Variants in KIRREL3 observed in about 807,000 individuals in gnomAD.
The protein encoded by KIRREL3 is kin of IRRE-like protein 3.
KIRREL3 carries 36 observed loss-of-function variants against 89.7 expected under a neutral mutation model. The observed-to-expected ratio is 0.40, with a 90% CI of 0.31 to 0.53. The LOEUF (loss-of-function observed/expected upper bound fraction) is 0.53, where lower values mean the gene tolerates loss of function less well. KIRREL3 is among the 20% of genes least tolerant of loss of function. KIRREL3 has a pLI of 0.49. For missense variants in KIRREL3, 864 were observed against 1,056.6 expected (o/e 0.82, Z 2.53); for synonymous variants, 445 against 441.4 (o/e 1.01, Z -0.10).
Position 126,664,020 on chromosome 11 carries a change from C to A in KIRREL3, c.56-101108G>T, listed in dbSNP as rs537522470. Among the ~76,000 whole-genome samples, 5 of 152,308 alleles carry A rather than the reference C, an allele frequency of 3.3e-5. No homozygotes were observed. The South Asian group carries it at 6.2e-4, about 19-fold the overall frequency. On this transcript the variant is annotated intron_variant, in intron 1 of 16. Coordinates refer to ENST00000525144, the MANE Select transcript of KIRREL3 (RefSeq NM_032531.4). The surrounding 1 kb of genome is among the most constrained non-coding windows in gnomAD (Gnocchi z 5.4). ...GAGTGTGTGTGTCTGTGCTTTTGAGCCTGTGCCCCTGGCACAAGGGAAATT... is the reference window on the plus strand; with the variant it reads ...GAGTGTGTGTGTCTGTGCTTTTGAGACTGTGCCCCTGGCACAAGGGAAATT...
In KIRREL3 at chr11:126,610,565, T is replaced by C. The variant is rs1289891513; in HGVS notation, c.56-47653A>G. On this transcript the variant is annotated intron_variant, in intron 1 of 16. Coordinates refer to ENST00000525144, the MANE Select transcript of KIRREL3 (RefSeq NM_032531.4). The surrounding 1 kb of genome is among the most constrained non-coding windows in gnomAD (Gnocchi z 4.6). The stretch of plus-strand genomic sequence containing the variant: ...TGTTTGCATTGGAGGTCTGTGGGCG[T>C]AGAGCACTCAACAAATGCCAGGCAC... The C allele has an allele frequency of 6.6e-6, 1 of 152,196 alleles. No individual in the cohort carries two copies. Among genetic ancestry groups the C allele is most frequent in the Non-Finnish European group, 1.5e-5 (1 of 68,060 alleles). The allele number at this position is 152,196 out of a possible 1,614,324, so 9.4% of individuals were successfully genotyped here.
chr11:126,546,731 G>C lies in KIRREL3; in HGVS notation c.133+16104C>G, dbSNP rs115625022. Among the ~76,000 whole-genome samples the C allele has an allele frequency of 8.9e-3, 1,359 of 152,218 alleles. 17 individuals are homozygous for C. Among genetic ancestry groups the C allele is most frequent in the African/African-American group, 0.031 (1,297 of 41,524 alleles). On this transcript the variant is annotated intron_variant, in intron 2 of 16. Transcript: ENST00000525144. ...ATCTCAGCACAAATGGGACTGAATTGGGGCTATTAACCCGGATCTCTGATA... is the reference window on the plus strand; with the variant it reads ...ATCTCAGCACAAATGGGACTGAATTCGGGCTATTAACCCGGATCTCTGATA...
In KIRREL3 at chr11:126,616,983, G is replaced by A. The variant is rs116768719; in HGVS notation, c.56-54071C>T. Among the ~76,000 whole-genome samples, 248 of 152,348 alleles carry A rather than the reference G, an allele frequency of 1.6e-3. 1 individual carries two copies. Among genetic ancestry groups the A allele is most frequent in the African/African-American group, 5.8e-3 (242 of 41,578 alleles). ...GACTAAATTATAAGTGAAAGCCAGA[G>A]AGTCTTACTTAAACATGACTTAAAA... On this transcript the variant is annotated intron_variant, in intron 1 of 16. Coordinates refer to ENST00000525144, the MANE Select transcript of KIRREL3 (RefSeq NM_032531.4).
At chr11:126,559,278 C>A (rs1340318775) in intron 2 of KIRREL3, among the ~76,000 whole-genome samples, 1 of 152,226 alleles carries the variant, frequency 6.6e-6, no homozygotes, top group Non-Finnish European at 1.5e-5. Flanking sequence ...TTTTCAATAC[C>A]TACCTGACAC....
chr11:126,769,132 G>T lies in KIRREL3; in HGVS notation c.56-206220C>A, dbSNP rs188240805. Among the ~76,000 whole-genome samples, 1 of 152,120 alleles carries T rather than the reference G, an allele frequency of 6.6e-6. No individual in the cohort carries two copies. Among genetic ancestry groups the T allele is most frequent in the African/African-American group, 2.4e-5 (1 of 41,408 alleles). On this transcript the variant is annotated intron_variant, in intron 1 of 16. Coordinates refer to ENST00000525144, the MANE Select transcript of KIRREL3 (RefSeq NM_032531.4). The surrounding 1 kb of genome is among the most constrained non-coding windows in gnomAD (Gnocchi z 4.3). ...AGTCAGGTATCTCTTCCTCTGTGAG[G>T]CTTCCCCTCTTCCCACAGGTCCCAT...
In KIRREL3 at chr11:126,579,357, A is replaced by G. The variant is rs1425018397; in HGVS notation, c.56-16445T>C. Among the ~76,000 whole-genome samples the G allele has an allele frequency of 6.6e-6, 1 of 152,116 alleles. No homozygotes were observed. Among genetic ancestry groups the G allele is most frequent in the Non-Finnish European group, 1.5e-5 (1 of 68,024 alleles). Reference sequence around the variant, plus strand: ...CAGTTATGACTTCCTCGGGTACCTGAGACTGTAGCTCCTCATTTCCTAAAT... The same window carrying G: ...CAGTTATGACTTCCTCGGGTACCTGGGACTGTAGCTCCTCATTTCCTAAAT... On this transcript the variant is annotated intron_variant, in intron 1 of 16. Coordinates refer to ENST00000525144, the MANE Select transcript of KIRREL3 (RefSeq NM_032531.4). The surrounding 1 kb of genome is among the most constrained non-coding windows in gnomAD (Gnocchi z 5.3).
At chr11:126,952,122 A>T (rs941410029) in intron 1 of KIRREL3, among the ~76,000 whole-genome samples, 1 of 152,244 alleles carries the variant, frequency 6.6e-6, no homozygotes, top group Non-Finnish European at 1.5e-5. Context: ...ACGGTGGCTT[A>T]CGCCTCTAAT....
intron 1 of KIRREL3, among the ~76,000 whole-genome samples, chr11:126,875,341 C>G (rs1406786887): frequency 6.6e-6 from 1 of 152,172 alleles, no homozygotes; most frequent in Non-Finnish European, 1.5e-5. Flanking sequence ...TGGGGAATGA[C>G]ACTGTCAGGG....
At position 126,940,825 on chromosome 11, in the gene KIRREL3, G is replaced by C. The variant is rs1237953689; in HGVS notation, c.55+59630C>G. On this transcript the variant is annotated intron_variant, in intron 1 of 16. Coordinates refer to ENST00000525144, the MANE Select transcript of KIRREL3 (RefSeq NM_032531.4). The surrounding 1 kb of genome is among the most constrained non-coding windows in gnomAD (Gnocchi z 4.6). The stretch of plus-strand genomic sequence containing the variant: ...TTTTCTTTCTTTTTTTTTTCTTTTG[G>C]TGTAACAGTATCGCATGAGCCAAGA... The C allele has an allele frequency of 6.6e-6, 1 of 150,386 alleles. No individual in the cohort carries two copies. The highest frequency in any genetic ancestry group is 1.9e-4 in the East Asian group (1 of 5,164). The allele number at this position is 150,386 out of a possible 1,614,324, so 9.3% of individuals were successfully genotyped here. A position where few individuals can be genotyped will look rare whatever the true frequency, so the allele number is the denominator to read the frequency against.
At position 127,000,388 on chromosome 11, in the gene KIRREL3, C is replaced by T; in HGVS notation, c.55+67G>A. On this transcript the variant is annotated intron_variant, in intron 1 of 16. Coordinates refer to ENST00000525144, the MANE Select transcript of KIRREL3 (RefSeq NM_032531.4). This position sits in a 1 kb window ranked among gnomAD's most constrained non-coding sequence, Gnocchi z 7.1. ...TCCCGAAGCCTGCCCACGTTCCTGC[C>T]CACAGCCTCCCGCGCCCTGACAACC... is the stretch of plus-strand genomic sequence containing the variant. The T allele has an allele frequency of 7.1e-7, 1 of 1,416,454 alleles. No homozygotes were observed. The highest frequency in any genetic ancestry group is 9.7e-7 in the Non-Finnish European group (1 of 1,030,092). The allele number at this position is 1,416,454 out of a possible 1,614,324, so 87.7% of individuals were successfully genotyped here.
At chr11:126,735,293 AGT>A (rs1324592504) in intron 1 of KIRREL3, among the ~76,000 whole-genome samples, 2 of 152,236 alleles carry the variant, frequency 1.3e-5, no homozygotes, top group Admixed American at 1.3e-4. Flanking sequence ...ACGTTTGACG[AGT>A]ACGGGAAGGA....
At chr11:126,855,554 A>G (rs1373886381) in intron 1 of KIRREL3, among the ~76,000 whole-genome samples, 1 of 152,218 alleles carries the variant, frequency 6.6e-6, no homozygotes, top group African/African-American at 2.4e-5. Flanking sequence ...TTATTTTTCA[A>G]ATTTGCTGTT....
chr11:126,433,923 G>A (rs2134156846), intron 13 of KIRREL3, among the ~76,000 whole-genome samples: 1 of 152,236 alleles, frequency 6.6e-6, no homozygotes, highest in East Asian at 1.9e-4. Flanking sequence ...CAGCATTGAA[G>A]GTGCCTTCCG....
Position 126,635,821 on chromosome 11 carries a change from G to C in KIRREL3, c.56-72909C>G, listed in dbSNP as rs1406854851. 6.6e-6 allele frequency among the ~76,000 whole-genome samples: 1 copy of C among 152,224 alleles called. No individual in the cohort carries two copies. The highest frequency in any genetic ancestry group is 2.4e-5 in the African/African-American group (1 of 41,470). On this transcript the variant is annotated intron_variant, in intron 1 of 16. Coordinates refer to ENST00000525144, the MANE Select transcript of KIRREL3 (RefSeq NM_032531.4). The surrounding 1 kb of genome is among the most constrained non-coding windows in gnomAD (Gnocchi z 4.0). ...ATAAAAATACCAGGTAAAAGGCAGA[G>C]TGTGTCCCATGAATGAGACACCCTG...
chr11:126,632,100 A>C (rs959943463), intron 1 of KIRREL3, among the ~76,000 whole-genome samples: 6 of 152,238 alleles, frequency 3.9e-5, no homozygotes, highest in African/African-American at 1.4e-4. Flanking sequence ...AGAGCTACTG[A>C]TTCAGGAGGT....
In KIRREL3 at chr11:126,867,484, CT is replaced by C. The variant is rs756332566; in HGVS notation, c.55+132970del. Among the ~76,000 whole-genome samples the C allele has an allele frequency of 6.6e-6, 1 of 152,234 alleles. No individual in the cohort carries two copies. The highest frequency in any genetic ancestry group is 1.5e-5 in the Non-Finnish European group (1 of 68,042). ...ACACCCACTCCATCTGTTACTCTTT[CT>C]GTAACTCAGCCAGCCCTTTCTGATA... On this transcript the variant is annotated intron_variant, in intron 1 of 16. Transcript: ENST00000525144. The surrounding 1 kb of genome is among the most constrained non-coding windows in gnomAD (Gnocchi z 4.7).
rs1468167648 is a variant in KIRREL3, at chr11:126,943,184, G to A, written c.55+57271C>T. The stretch of plus-strand genomic sequence containing the variant: ...TGCTCCACTGGGGCCTTCTCTTTGG[G>A]GTCTCAGGATTGGCTTTTGAGGTGT... On this transcript the variant is annotated intron_variant, in intron 1 of 16. Coordinates refer to ENST00000525144, the MANE Select transcript of KIRREL3 (RefSeq NM_032531.4). This position sits in a 1 kb window ranked among gnomAD's most constrained non-coding sequence, Gnocchi z 4.2. Among the ~76,000 whole-genome samples the A allele has an allele frequency of 6.6e-6, 1 of 152,142 alleles. No homozygotes were observed. The highest frequency in any genetic ancestry group is 1.5e-5 in the Non-Finnish European group (1 of 68,020).
intron 4 of KIRREL3, among the ~76,000 whole-genome samples, chr11:126,481,886 C>T (rs1405502643): frequency 6.6e-6 from 1 of 152,234 alleles, no homozygotes; most frequent in African/African-American, 2.4e-5. Flanking sequence ...GAAAGTCCCT[C>T]ATTGCCATCT....
chr11:126,765,908 A>C (rs2134281864), intron 1 of KIRREL3, among the ~76,000 whole-genome samples: 1 of 152,248 alleles, frequency 6.6e-6, no homozygotes, highest in African/African-American at 2.4e-5. Context: ...TGGGCAAGGA[A>C]GCCCCTCCCT....
Sources: gnomAD v4.1 joint callset for allele counts (sites outside exome capture counted in the v4.1 genomes callset) on GRCh38, gnomAD v4.1.1 for gene constraint, Gnocchi (gnomAD v3.1) non-coding constraint, MANE v1.5 for transcripts, NCBI Gene and HGNC (gene_info 2026-07-23, HGNC 2026-07-21) for gene names.